CNBD1: variants seen among roughly 807,000 people sequenced by gnomAD.
CNBD1 encodes the protein cyclic nucleotide binding domain containing 1.
Under a neutral mutation model 54.4 loss-of-function variants are expected in CNBD1, and 71 were observed. That is an observed-to-expected ratio of 1.30 (90% CI 1.08 to 1.59). CNBD1 has a LOEUF of 1.59. CNBD1 is among the 40% of genes most tolerant of loss of function. The pLI is 0.00. For synonymous variants in CNBD1, 182 were observed against 170.7 expected (o/e 1.07, Z -0.51); for missense variants, 659 against 518.0 (o/e 1.27, Z -2.64).
chr8:86,941,527 T>G (rs1206183603), intron 4 of CNBD1, among the ~76,000 whole-genome samples: 1 of 152,164 alleles, frequency 6.6e-6, no homozygotes, highest in Non-Finnish European at 1.5e-5. Flanking sequence ...TTCCTGTCTT[T>G]TTTACTATAG....
chr8:87,057,279 CGTT>C (rs1297646086), intron 4 of CNBD1, among the ~76,000 whole-genome samples: 1 of 152,080 alleles, frequency 6.6e-6, no homozygotes, highest in African/African-American at 2.4e-5. Flanking sequence ...GAAGCAAACA[CGTT>C]CTTCTTCACA....
chr8:87,070,782 A>G (rs553425838), intron 4 of CNBD1, among the ~76,000 whole-genome samples: 12 of 152,174 alleles, frequency 7.9e-5, no homozygotes, highest in South Asian at 2.1e-4. Flanking sequence ...CAAGCAGTAA[A>G]TATTTGTTAA....
At chr8:86,913,061 C>T (rs1809129278) in intron 3 of CNBD1, among the ~76,000 whole-genome samples, 1 of 152,000 alleles carries the variant, frequency 6.6e-6, no homozygotes, top group Admixed American at 6.6e-5. Flanking sequence ...AGTGTTTTTG[C>T]AAGAGTAAAG....
chr8:87,069,752 G>A (rs1372413766), intron 4 of CNBD1, among the ~76,000 whole-genome samples: 1 of 152,012 alleles, frequency 6.6e-6, no homozygotes, highest in South Asian at 2.1e-4. Flanking sequence ...AATTTTTAGT[G>A]CTTCTGTAAT....
chr8:87,078,809 A>G (rs1183354190), intron 4 of CNBD1, among the ~76,000 whole-genome samples: 1 of 152,228 alleles, frequency 6.6e-6, no homozygotes, highest in African/African-American at 2.4e-5. Flanking sequence ...GTGATATCCA[A>G]TGACAGCAGT....
chr8:87,014,123 G>A (rs927474791), intron 4 of CNBD1, among the ~76,000 whole-genome samples: 1 of 151,092 alleles, frequency 6.6e-6, no homozygotes, highest in South Asian at 2.1e-4. Flanking sequence ...CTTTAAAAAA[G>A]CACTCAAATC....
intron 3 of CNBD1, among the ~76,000 whole-genome samples, chr8:86,927,872 A>T (rs1430252806): frequency 6.6e-6 from 1 of 152,138 alleles, no homozygotes; most frequent in East Asian, 1.9e-4. Context: ...AAGTCCTCCA[A>T]TAATTCACAG....
chr8:87,110,898 A>T (rs941595090), intron 4 of CNBD1, among the ~76,000 whole-genome samples: 1 of 152,192 alleles, frequency 6.6e-6, no homozygotes, highest in Non-Finnish European at 1.5e-5. Flanking sequence ...AACATACCAG[A>T]GATTATGGGA....
At chr8:87,019,568 A>G (rs2130574072) in intron 4 of CNBD1, among the ~76,000 whole-genome samples, 1 of 152,298 alleles carries the variant, frequency 6.6e-6, no homozygotes, top group East Asian at 1.9e-4. Flanking sequence ...CTATAAAGAT[A>G]AATTAGCCAG....
chr8:86,984,259 C>A (rs1348470833), intron 4 of CNBD1, among the ~76,000 whole-genome samples: 1 of 152,148 alleles, frequency 6.6e-6, no homozygotes, highest in African/African-American at 2.4e-5. Context: ...GAAACCTCCA[C>A]CTATATTTCA....
intron 4 of CNBD1, among the ~76,000 whole-genome samples, chr8:87,137,448 C>T (rs980163392): frequency 3.4e-4 from 51 of 151,610 alleles, no homozygotes; most frequent in African/African-American, 1.1e-3. Context: ...GTGATCCGCC[C>T]GCCTCAGCCT....
At chr8:87,330,342 T>G in intron 8 of CNBD1, among the ~76,000 whole-genome samples, 1 of 151,814 alleles carries the variant, frequency 6.6e-6, no homozygotes, top group Non-Finnish European at 1.5e-5. Flanking sequence ...GGTTTCAATT[T>G]TATTAATTTT....
intron 8 of CNBD1, among the ~76,000 whole-genome samples, chr8:87,344,542 G>T (rs899527809): frequency 6.6e-6 from 1 of 151,932 alleles, no homozygotes; most frequent in African/African-American, 2.4e-5. Flanking sequence ...TATAGTGATC[G>T]AATTCATTTG....
intron 5 of CNBD1, among the ~76,000 whole-genome samples, chr8:87,222,997 G>T (rs1814375465): frequency 1.3e-5 from 2 of 150,180 alleles, no homozygotes; most frequent in Non-Finnish European, 3.0e-5. Flanking sequence ...TGCAAAGTCT[G>T]GGAATCATTA....
chr8:87,233,784 T>C (rs535285728), intron 5 of CNBD1, among the ~76,000 whole-genome samples: 25 of 152,250 alleles, frequency 1.6e-4, no homozygotes, highest in African/African-American at 5.8e-4. Flanking sequence ...TGTGGCAATT[T>C]CTTAAGAAGA....
chr8:87,056,501 G>T (rs912101702), intron 4 of CNBD1, among the ~76,000 whole-genome samples: 104 of 152,224 alleles, frequency 6.8e-4, no homozygotes, highest in Non-Finnish European at 1.1e-3. Flanking sequence ...TTTCAGGAAG[G>T]TGTATATCAT....
intron 4 of CNBD1, among the ~76,000 whole-genome samples, chr8:87,092,482 C>CGTGTGTGTGTGT (rs1811231634): frequency 8.9e-6 from 1 of 112,116 alleles, no homozygotes; most frequent in African/African-American, 4.0e-5. Flanking sequence ...TATATATACA[C>CGTGTGTGTGTGT]ATATGTGTGT....
chr8:87,140,496 A>G (rs944334535), intron 4 of CNBD1, among the ~76,000 whole-genome samples: 6 of 152,154 alleles, frequency 3.9e-5, no homozygotes, highest in Non-Finnish European at 8.8e-5. Flanking sequence ...GATGACTTCT[A>G]AAAAACAGTG....
rs367631813 is a variant in CNBD1, at chr8:87,379,904, C to T, written c.1304-2716C>T. 4.2e-3 allele frequency among the ~76,000 whole-genome samples: 637 copies of T among 151,384 alleles called. 3 individuals carry two copies. Among genetic ancestry groups the T allele is most frequent in the Non-Finnish European group, 6.9e-3 (470 of 67,870 alleles). On this transcript the variant is annotated intron_variant, in intron 10 of 10. Transcript: ENST00000518476. ...AAATTCTGAGTAAAAGGAAAATACACGAGAAATACTTAAATATGACCAAAT... is the reference window on the plus strand; with the variant it reads ...AAATTCTGAGTAAAAGGAAAATACATGAGAAATACTTAAATATGACCAAAT...
Sources: allele counts gnomAD v4.1 joint callset (sites outside exome capture counted in the v4.1 genomes callset), GRCh38; gene constraint gnomAD v4.1.1; transcripts MANE v1.5; gene names NCBI Gene and HGNC (gene_info 2026-07-23, HGNC 2026-07-21).